Variants in FAT3 observed in about 807,000 individuals in gnomAD.
The protein encoded by FAT3 is FAT atypical cadherin 3, also known as protocadherin Fat 3.
Under a neutral mutation model 310.2 loss-of-function variants are expected in FAT3, and 95 were observed. The ratio of observed to expected loss-of-function variants is 0.31; its 90% CI spans 0.26 to 0.36. The LOEUF (loss-of-function observed/expected upper bound fraction) is 0.36, where lower values mean the gene tolerates loss of function less well. FAT3 is among the 10% of genes least tolerant of loss of function. The pLI, the probability that FAT3 is intolerant of heterozygous loss-of-function variation, is 1.00. For missense variants in FAT3, 5,408 were observed against 5,715.6 expected, an observed-to-expected ratio of 0.95 and a Z score of 1.74; for synonymous variants, 2,314 against 2,192.9, an observed-to-expected ratio of 1.06 and a Z score of -1.54.
Position 92,488,624 on chromosome 11 carries a change from A to G in FAT3, c.3293-36010A>G, listed in dbSNP as rs1446981537. 4.6e-5 allele frequency among the ~76,000 whole-genome samples: 7 copies of G among 151,754 alleles called. 1 individual carries two copies. Among genetic ancestry groups the G allele is most frequent in the African/African-American group, 9.7e-5 (4 of 41,324 alleles). Reference sequence around the variant, plus strand: ...CCATTATATCCTACTTGTCCTCCCTATACTTTCAAGTTTCCCTCCTCTGCC... The same window carrying G: ...CCATTATATCCTACTTGTCCTCCCTGTACTTTCAAGTTTCCCTCCTCTGCC... On this transcript the variant is annotated intron_variant, in intron 2 of 27. Coordinates refer to ENST00000525166, the MANE Select transcript of FAT3 (RefSeq NM_001367949.2).
At chr11:92,786,571 G>T (rs749879062) in intron 7 of FAT3, among the ~76,000 whole-genome samples, 4 of 151,584 alleles carry the variant, frequency 2.6e-5, no homozygotes, top group Non-Finnish European at 4.4e-5. Flanking sequence ...TCATCTATCA[G>T]ATTGGCAAAA....
At position 92,524,782 on chromosome 11, in the gene FAT3, G is replaced by A; in HGVS notation, c.3441G>A (p.Leu1147=). Reference sequence around the variant, plus strand: ...AAGATGTGAATGACAATGCCCCGCTGACCTCAGAACCTATATATTATCCTG... The same window carrying A: ...AAGATGTGAATGACAATGCCCCGCTAACCTCAGAACCTATATATTATCCTG... The part of the protein sequence containing the change: ...EVEDVNDNAP[L]TSEPIYYPVV... Residue 1147 remains leucine (L), a synonymous_variant, in exon 3 of 28, where the codon CTG becomes CTA. Coordinates refer to ENST00000525166, the MANE Select transcript of FAT3 (RefSeq NM_001367949.2). 3 of 1,613,742 alleles carry A rather than the reference G, an allele frequency of 1.9e-6. No homozygotes were observed. Among genetic ancestry groups the A allele is most frequent in the Non-Finnish European group, 2.5e-6 (3 of 1,179,810 alleles).
At chr11:92,417,412 T>C (rs568352364) in intron 2 of FAT3, among the ~76,000 whole-genome samples, 1 of 152,304 alleles carries the variant, frequency 6.6e-6, no homozygotes, top group East Asian at 1.9e-4. Context: ...ATGGTCTCTG[T>C]CCTCTTGAAA....
intron 3 of FAT3, among the ~76,000 whole-genome samples, chr11:92,673,394 A>G (rs909614841): frequency 2.0e-5 from 3 of 152,214 alleles, no homozygotes; most frequent in African/African-American, 7.2e-5. Flanking sequence ...CATGGGCTAC[A>G]TTGTATTAGA....
rs1235556315 is a variant in FAT3 at position 92,649,892 on chromosome 11, T to C, written c.3608-47492T>C. On this transcript the variant is annotated intron_variant, in intron 3 of 27. Transcript: ENST00000525166. ...GTATGTTCATATATATATATATATA[T>C]ATATATATATATATATATATATATG... Among the ~76,000 whole-genome samples the C allele has an allele frequency of 1.3e-3, 78 of 60,016 alleles. 1 individual carries two copies. The highest frequency in any genetic ancestry group is 4.4e-3 in the African/African-American group (72 of 16,184). 39.4% of individuals were successfully genotyped at this position (60,016 alleles called of 152,430 possible). A position where few individuals can be genotyped will look rare whatever the true frequency, so the allele number is the denominator to read the frequency against.
Position 92,836,838 on chromosome 11 carries a change from G to A in FAT3, c.10224+135G>A, listed in dbSNP as rs115064297. 1,702 of 1,001,442 alleles carry A rather than the reference G, an allele frequency of 1.7e-3. 18 individuals are homozygous for A. The African/African-American group carries it at 0.024, about 14-fold the overall frequency. 62.0% of individuals were successfully genotyped at this position (1,001,442 alleles called of 1,614,324 possible). A position where few individuals can be genotyped will look rare whatever the true frequency, so the allele number is the denominator to read the frequency against. On this transcript the variant is annotated intron_variant, in intron 16 of 27. Transcript: ENST00000525166. Reference sequence around the variant, plus strand: ...AGAGTAAATAAGGATGGGCTAAAATGCAGCATGAAATATTAGGGTTAGACC... The same window carrying A: ...AGAGTAAATAAGGATGGGCTAAAATACAGCATGAAATATTAGGGTTAGACC...
chr11:92,357,462 A>G (rs1948764097), intron 2 of FAT3, among the ~76,000 whole-genome samples: 1 of 152,230 alleles, frequency 6.6e-6, no homozygotes, highest in Non-Finnish European at 1.5e-5. Context: ...AGTATTAAAC[A>G]GGTTTCAAAA....
At chr11:92,528,686 C>G (rs117278907) in intron 3 of FAT3, among the ~76,000 whole-genome samples, 1 of 152,240 alleles carries the variant, frequency 6.6e-6, no homozygotes, top group East Asian at 1.9e-4. Flanking sequence ...TGCCCGGCCT[C>G]CAGTTCTTTT....
chr11:92,678,623 A>G (rs1443503868), intron 3 of FAT3, among the ~76,000 whole-genome samples: 1 of 152,112 alleles, frequency 6.6e-6, no homozygotes, highest in Non-Finnish European at 1.5e-5. Flanking sequence ...CCAAACTTCT[A>G]ATAATGACTT....
intron 2 of FAT3, among the ~76,000 whole-genome samples, chr11:92,463,252 G>T (rs1187974237): frequency 6.6e-6 from 1 of 152,156 alleles, no homozygotes; most frequent in Admixed American, 6.6e-5. Context: ...CTCTCATTTT[G>T]TATCAGTCTT....
chr11:92,366,517 G>T (rs1250106783), intron 2 of FAT3: 1 of 477,742 alleles, frequency 2.1e-6, no homozygotes, highest in South Asian at 1.6e-5. Flanking sequence ...CCTTACCCTC[G>T]GCAGCCGCAG....
intron 2 of FAT3, among the ~76,000 whole-genome samples, chr11:92,459,291 T>G (rs766440648): frequency 3.9e-5 from 6 of 152,124 alleles, no homozygotes; most frequent in Non-Finnish European, 8.8e-5. Context: ...GCTTGATGCA[T>G]CCTCTTACCT....
rs774749026 is a variant in FAT3 at position 92,801,274 on chromosome 11, G to A, written c.8261G>A (p.Gly2754Asp). Residue 2754 changes from glycine (G) to aspartate (D), a missense_variant, in exon 10 of 28, where the codon GGC becomes GAC. This residue lies in a region of FAT3 where 4,588 missense variants were observed against 4,809.8 expected (regional missense o/e 0.95). Coordinates refer to ENST00000525166, the MANE Select transcript of FAT3 (RefSeq NM_001367949.2). ...NGERPENNKGGIFVIEQETGT... is the reference protein window; with the variant it reads ...NGERPENNKGDIFVIEQETGT... ...GAACGGCCAGAAAATAACAAAGGGG[G>A]CATATTCGTCATAGAACAGGAAACA... 6.8e-6 allele frequency: 11 copies of A among 1,613,870 alleles called. No individual in the cohort carries two copies. The Middle Eastern group carries it at 6.6e-4, about 97-fold the overall frequency.
At chr11:92,715,269 G>A (rs1944647427) in intron 4 of FAT3, among the ~76,000 whole-genome samples, 2 of 151,186 alleles carry the variant, frequency 1.3e-5, no homozygotes, top group Admixed American at 6.6e-5. Context: ...ATAGCTGGGT[G>A]TGGTGGCAGG....
intron 2 of FAT3, among the ~76,000 whole-genome samples, chr11:92,399,881 G>T (rs1949970920): frequency 6.6e-6 from 1 of 152,212 alleles, no homozygotes; most frequent in South Asian, 2.1e-4. Flanking sequence ...CAGGGTATGT[G>T]ATCAAAAGGC....
At chr11:92,269,750 T>C (rs1293365182) in intron 1 of FAT3, among the ~76,000 whole-genome samples, 1 of 152,126 alleles carries the variant, frequency 6.6e-6, no homozygotes, top group Non-Finnish European at 1.5e-5. Flanking sequence ...ATATTCGAAA[T>C]GGGAGGAAAT....
chr11:92,413,078 G>A (rs1450945284), intron 2 of FAT3, among the ~76,000 whole-genome samples: 1 of 152,008 alleles, frequency 6.6e-6, no homozygotes, highest in African/African-American at 2.4e-5. Flanking sequence ...TAAAAATCCT[G>A]TATTTGGCCT....
rs186976175 is a variant in FAT3, at chr11:92,361,255, A to G, written c.3292+5851A>G. ...ACTTGCAGTGCCTCTTAAAGTATCTATTCAAAACTGGCTCACTTTCCATTG... is the reference window on the plus strand; with the variant it reads ...ACTTGCAGTGCCTCTTAAAGTATCTGTTCAAAACTGGCTCACTTTCCATTG... On this transcript the variant is annotated intron_variant, in intron 2 of 27. Transcript: ENST00000525166. Among the ~76,000 whole-genome samples the G allele has an allele frequency of 3.7e-3, 559 of 152,274 alleles. 9 individuals carry two copies. Among genetic ancestry groups the G allele is most frequent in the Non-Finnish European group, 3.9e-3 (266 of 68,032 alleles).
intron 4 of FAT3, among the ~76,000 whole-genome samples, chr11:92,741,915 G>A (rs1439634234): frequency 1.3e-5 from 2 of 152,130 alleles, no homozygotes; most frequent in Admixed American, 1.3e-4. Context: ...AACAATCAAA[G>A]ATCCAACTCA....
Sources: allele counts gnomAD v4.1 joint callset (sites outside exome capture counted in the v4.1 genomes callset), GRCh38; gene constraint gnomAD v4.1.1; regional missense constraint gnomAD v4.1.1; transcripts MANE v1.5; gene names NCBI Gene and HGNC (gene_info 2026-07-23, HGNC 2026-07-21).